Variants in KATNAL1 observed in about 807,000 individuals in gnomAD.
The protein encoded by KATNAL1 is katanin catalytic subunit A1 like 1.
In KATNAL1, 32 loss-of-function variants were observed where a neutral mutation model predicts 55.2. That is an observed-to-expected ratio of 0.58 (90% CI 0.44 to 0.78). KATNAL1 has a LOEUF of 0.78. Among genes scored for constraint, KATNAL1 ranks in the 30% least tolerant of loss-of-function variants. The probability of loss-of-function intolerance (pLI) is 0.00; values close to 1 mark genes in which losing one functional copy is unlikely to be tolerated. For missense variants in KATNAL1, 466 were observed against 600.9 expected, an observed-to-expected ratio of 0.78 and a Z score of 2.35; for synonymous variants, 193 against 193.6, an observed-to-expected ratio of 1.00 and a Z score of 0.02.
intron 3 of KATNAL1, among the ~76,000 whole-genome samples, chr13:30,259,712 G>A (rs879183163): frequency 3.9e-5 from 6 of 152,204 alleles, no homozygotes; most frequent in Admixed American, 1.3e-4. Context: ...CACCTGGCTC[G>A]GAGGGTCCTA....
rs1321648104 is a variant in KATNAL1, at chr13:30,204,832, C to A, written c.*3708G>T. 3.5e-4 allele frequency: 53 copies of A among 152,210 alleles called. 2 individuals carry two copies. Among genetic ancestry groups the A allele is most frequent in the Admixed American group, 3.5e-3 (53 of 15,286 alleles). 9.4% of individuals were successfully genotyped at this position (152,210 alleles called of 1,614,324 possible). A position where few individuals can be genotyped will look rare whatever the true frequency, so the allele number is the denominator to read the frequency against. On this transcript the variant is annotated 3_prime_UTR_variant, in exon 11 of 11. Coordinates refer to ENST00000380615, the MANE Select transcript of KATNAL1 (RefSeq NM_032116.5). ...CAGCTAGACCACCGCATGTTTTCCC[C>A]TTCCAAAATGGCTAGGTATTGTGGG...
intron 1 of KATNAL1, among the ~76,000 whole-genome samples, chr13:30,303,172 G>A (rs753245329): frequency 2.0e-5 from 3 of 152,150 alleles, no homozygotes; most frequent in African/African-American, 7.2e-5. Flanking sequence ...TTTGCCATCC[G>A]TTCAGTTAGG....
At chr13:30,248,646 C>T (rs532008663) in intron 4 of KATNAL1, among the ~76,000 whole-genome samples, 24 of 152,334 alleles carry the variant, frequency 1.6e-4, no homozygotes, top group East Asian at 3.9e-4. Flanking sequence ...CTGACAACGC[C>T]GGGCGCAATG....
rs1040871984 is a variant in KATNAL1 at position 30,260,684 on chromosome 13, G to T, written c.324-5069C>A. The stretch of plus-strand genomic sequence containing the variant: ...AAATTTAGAGAAAAAAGGATAAAAA[G>T]AAATGAGCAAAGCCTCCAAGAAATA... On this transcript the variant is annotated intron_variant, in intron 3 of 10. Transcript: ENST00000380615. 2.6e-5 allele frequency among the ~76,000 whole-genome samples: 4 copies of T among 151,912 alleles called. No homozygotes were observed. In the East Asian group the frequency reaches 5.8e-4, roughly 22 times the overall value.
At chr13:30,293,373 G>A (rs1405720487) in intron 1 of KATNAL1, among the ~76,000 whole-genome samples, 2 of 151,944 alleles carry the variant, frequency 1.3e-5, no homozygotes, top group Non-Finnish European at 2.9e-5. Flanking sequence ...CTTTTACACT[G>A]TGCACATACA....
intron 6 of KATNAL1, 40 bp downstream of exon 6, chr13:30,240,420 G>T (rs756108085): frequency 1.1e-5 from 15 of 1,341,232 alleles, no homozygotes; most frequent in Admixed American, 1.7e-5. Flanking sequence ...CCAGTGCCAA[G>T]TAGCATTCTT....
At chr13:30,307,111 G>A (rs1363369515) in intron 1 of KATNAL1, 2 of 152,150 alleles carry the variant, frequency 1.3e-5, no homozygotes, top group Admixed American at 6.5e-5. Flanking sequence ...ACCCCACCAA[G>A]ACCGCGAGCC....
intron 2 of KATNAL1, among the ~76,000 whole-genome samples, 170 bp downstream of exon 2, chr13:30,283,445 AG>A (rs933897468): frequency 6.6e-6 from 1 of 152,188 alleles, no homozygotes; most frequent in Non-Finnish European, 1.5e-5. Context: ...AACATTAACC[AG>A]GTAAGATACT....
chr13:30,296,637 G>A (rs1882519094), intron 1 of KATNAL1: 5 of 691,948 alleles, frequency 7.2e-6, no homozygotes, highest in Non-Finnish European at 1.4e-5. Flanking sequence ...GTACACGGAC[G>A]AGCACAGGGA....
chr13:30,231,395 T>C lies in KATNAL1; in HGVS notation c.804A>G (p.Thr268=), dbSNP rs773769558. The C allele has an allele frequency of 5.6e-6, 9 of 1,609,668 alleles. No homozygotes were observed. Among genetic ancestry groups the C allele is most frequent in the African/African-American group, 1.3e-5 (1 of 74,882 alleles). ...AKAVATECGT[T]FFNVSSSTLT... ...GTGTAGAAGACGAAACGTTGAAGAA[T>C]GTTGTACCACATTCAGTGGCAACAG... is the stretch of plus-strand genomic sequence containing the variant. The change falls in exon 7 of 11, where the codon ACA becomes ACG. Residue 268 remains threonine, a synonymous_variant. Coordinates refer to ENST00000380615, the MANE Select transcript of KATNAL1 (RefSeq NM_032116.5).
Position 30,210,447 on chromosome 13 carries a change from T to TA in KATNAL1, c.1148-6dup. 1 of 1,595,182 alleles carries TA rather than the reference T, an allele frequency of 6.3e-7. No homozygotes were observed. Among genetic ancestry groups the TA allele is most frequent in the Non-Finnish European group, 8.5e-7 (1 of 1,174,376 alleles). On this transcript the variant is annotated splice_polypyrimidine_tract_variant and splice_region_variant and intron_variant, in intron 9 of 10. Coordinates refer to ENST00000380615, the MANE Select transcript of KATNAL1 (RefSeq NM_032116.5). ...GAAGCTCAGCTCTTCCTTTTGCTGT[T>TA]ACAAGATTTTGGTGGTGTTGTTAGA...
At chr13:30,255,309 T>G in intron 4 of KATNAL1, 138 bp downstream of exon 4, 1 of 612,390 alleles carries the variant, frequency 1.6e-6, no homozygotes, top group Non-Finnish European at 2.6e-6. Context: ...ATACAAAGAC[T>G]ACTTAGGCTT....
chr13:30,306,906 G>T (rs1883218175), intron 1 of KATNAL1: 1 of 152,408 alleles, frequency 6.6e-6, no homozygotes, highest in South Asian at 2.1e-4. Flanking sequence ...AACTGGGGCG[G>T]GCCCAGCTAC....
At chr13:30,230,640 C>A in intron 7 of KATNAL1, 46 bp from the exon 8 acceptor site, 1 of 1,405,234 alleles carries the variant, frequency 7.1e-7, no homozygotes, top group South Asian at 1.4e-5. Flanking sequence ...TCTCATAAAA[C>A]AATTGGAGTA....
At chr13:30,303,565 C>CA (rs1285031680) in intron 1 of KATNAL1, among the ~76,000 whole-genome samples, 15 of 151,468 alleles carry the variant, frequency 9.9e-5, no homozygotes, top group South Asian at 6.3e-4. Flanking sequence ...ACCCTGTCTC[C>CA]AAAAAATAAA....
intron 1 of KATNAL1, among the ~76,000 whole-genome samples, chr13:30,289,782 C>T (rs763981420): frequency 6.6e-5 from 10 of 152,112 alleles, no homozygotes; most frequent in Non-Finnish European, 1.3e-4. Context: ...CAGTGATATG[C>T]ATGGCACTTA....
At chr13:30,229,883 C>A (rs1875910239) in intron 8 of KATNAL1, among the ~76,000 whole-genome samples, 1 of 149,342 alleles carries the variant, frequency 6.7e-6, no homozygotes, top group Admixed American at 6.7e-5. Context: ...ATGATAAATT[C>A]ATTACTTATT....
chr13:30,286,609 G>C (rs1881804643), intron 1 of KATNAL1, among the ~76,000 whole-genome samples: 1 of 152,240 alleles, frequency 6.6e-6, no homozygotes, highest in African/African-American at 2.4e-5. Context: ...CTAGGGAAGT[G>C]TGGAAGGGAA....
intron 3 of KATNAL1, among the ~76,000 whole-genome samples, chr13:30,268,932 A>G (rs1049619956): frequency 5.3e-5 from 8 of 152,234 alleles, no homozygotes; most frequent in Non-Finnish European, 8.8e-5. Flanking sequence ...GCAAACAAAT[A>G]AAAGGCCCTG....
Sources: gnomAD v4.1 joint callset for allele counts (sites outside exome capture counted in the v4.1 genomes callset) on GRCh38, gnomAD v4.1.1 for gene constraint, MANE v1.5 for transcripts, NCBI Gene and HGNC (gene_info 2026-07-23, HGNC 2026-07-21) for gene names.